LRRC57: variants seen among roughly 807,000 people sequenced by gnomAD.
LRRC57 encodes leucine rich repeat containing 57, also known as leucine-rich repeat-containing protein 57.
Under a neutral mutation model 23.1 loss-of-function variants are expected in LRRC57, and 14 were observed. The ratio of observed to expected loss-of-function variants is 0.61; its 90% CI spans 0.40 to 0.95. The LOEUF is 0.95. Ranked by LOEUF, LRRC57 falls within the 40% of genes least tolerant of loss-of-function variation. LRRC57 has a pLI of 0.00. For synonymous variants in LRRC57, 106 were observed against 115.2 expected (o/e 0.92, Z 0.51); for missense variants, 236 against 284.4 (o/e 0.83, Z 1.22).
downstream of LRRC57, among the ~76,000 whole-genome samples, chr15:42,535,730 C>T (rs2057597538): frequency 6.6e-6 from 1 of 152,112 alleles, no homozygotes; most frequent in African/African-American, 2.4e-5. Context: ...CTTCTTTTCA[C>T]TTGAACTTAA....
chr15:42,547,719 C>T (rs899914694), intron 3 of LRRC57, 190 bp from the exon 4 acceptor site: 2 of 614,178 alleles, frequency 3.3e-6, no homozygotes, highest in African/African-American at 1.8e-5. Flanking sequence ...ATCAAAATGC[C>T]GGAGAGCATT....
chr15:42,534,149 G>T (rs945077702), downstream of LRRC57, among the ~76,000 whole-genome samples: 2 of 151,954 alleles, frequency 1.3e-5, no homozygotes, highest in African/African-American at 4.8e-5. Context: ...TTGTTTTTTT[G>T]AGAAGGAGTC....
In LRRC57 at chr15:42,538,952, G is replaced by A. The variant is rs2057614262; in HGVS notation, c.*5131C>T. ...GTAATCCCAGCACTTTGGGAGGTAA[G>A]GCAGGATTGCTTGAGCCCAGGAGTT... On this transcript the variant is annotated 3_prime_UTR_variant, in exon 6 of 6. Coordinates refer to ENST00000397130, the MANE Select transcript of LRRC57 (RefSeq NM_153260.3). 6.6e-6 allele frequency: 1 copy of A among 151,474 alleles called. No individual in the cohort carries two copies. Among genetic ancestry groups the A allele is most frequent in the Admixed American group, 6.6e-5 (1 of 15,204 alleles). The allele number at this position is 151,474 out of a possible 1,614,324, so 9.4% of individuals were successfully genotyped here.
At chr15:42,544,842 CTATATA>C in intron 5 of LRRC57, among the ~76,000 whole-genome samples, 1 of 98,050 alleles carries the variant, frequency 1.0e-5, no homozygotes, top group East Asian at 2.0e-4. Context: ...CACACACACA[CTATATA>C]TATATATATA....
At chr15:42,534,747 G>C (rs2057591914), downstream of LRRC57, among the ~76,000 whole-genome samples, 1 of 152,180 alleles carries the variant, frequency 6.6e-6, no homozygotes, top group East Asian at 1.9e-4. Flanking sequence ...CTTCATCAGA[G>C]CTCTTGGGTG....
At chr15:42,534,329 C>G (rs1384156378), downstream of LRRC57, among the ~76,000 whole-genome samples, 1 of 152,042 alleles carries the variant, frequency 6.6e-6, no homozygotes, top group South Asian at 2.1e-4. Context: ...CAGGGTTTCA[C>G]CACGTTGGTC....
At chr15:42,529,982 A>C in the LRRC57 span, among the ~76,000 whole-genome samples, 4 of 152,204 alleles carry the variant, frequency 2.6e-5, no homozygotes, top group Non-Finnish European at 2.9e-5. Flanking sequence ...ACAAGAGCCA[A>C]GTCCTCCCTG....
chr15:42,547,231 T>A, intron 4 of LRRC57, 30 bp downstream of exon 4: 1 of 1,603,950 alleles, frequency 6.2e-7, no homozygotes, highest in Non-Finnish European at 8.5e-7. Flanking sequence ...ACACATATGC[T>A]GTAGGAAAAA....
the LRRC57 span, among the ~76,000 whole-genome samples, chr15:42,528,804 T>C: frequency 2.6e-5 from 4 of 152,162 alleles, no homozygotes; most frequent in Non-Finnish European, 5.9e-5. Context: ...CAGGCTGGTC[T>C]TGGACTCCTG....
chr15:42,546,087 A>C (rs1167074857), intron 4 of LRRC57, among the ~76,000 whole-genome samples: 1 of 152,146 alleles, frequency 6.6e-6, no homozygotes, highest in Non-Finnish European at 1.5e-5. Context: ...TCTTTGACTC[A>C]CCCCTTTTGC....
At chr15:42,535,440 T>C (rs1459341164), downstream of LRRC57, among the ~76,000 whole-genome samples, 1 of 151,604 alleles carries the variant, frequency 6.6e-6, no homozygotes, top group Non-Finnish European at 1.5e-5. Context: ...CTTTAGCCTG[T>C]CTTGGCATTT....
the LRRC57 span, among the ~76,000 whole-genome samples, chr15:42,530,647 G>A: frequency 6.6e-6 from 1 of 152,296 alleles, no homozygotes; most frequent in Non-Finnish European, 1.5e-5. Flanking sequence ...TTACTCGGGA[G>A]GCTGAGGCAG....
At chr15:42,528,347 C>G in the LRRC57 span, 1 of 1,614,132 alleles carries the variant, frequency 6.2e-7, no homozygotes. Flanking sequence ...AGTATCTAAA[C>G]AGCCAGGCCC....
chr15:42,547,568 G>T (rs375837708), intron 3 of LRRC57, 39 bp from the exon 4 acceptor site: 7 of 1,566,226 alleles, frequency 4.5e-6, no homozygotes, highest in East Asian at 4.5e-5. Flanking sequence ...GAATGTGATA[G>T]AGCTGAAAAC....
the LRRC57 span, among the ~76,000 whole-genome samples, chr15:42,528,620 G>C: frequency 6.6e-6 from 1 of 152,116 alleles, no homozygotes; most frequent in Admixed American, 6.6e-5. Flanking sequence ...GAGTCTTGCT[G>C]TGTTGCCCAG....
rs994345599 is a variant in LRRC57 at position 42,546,852 on chromosome 15, CAA to C, written c.492+407_492+408del. Among the ~76,000 whole-genome samples, 63 of 152,276 alleles carry C rather than the reference CAA, an allele frequency of 4.1e-4. 1 individual carries two copies. The highest frequency in any genetic ancestry group is 1.2e-3 in the African/African-American group (49 of 41,568). ...TCAAAACCCCACACAAAACGAAAAACAAAACTGAATTACCTCTGACTCCCGAC... is the reference window on the plus strand; with the variant it reads ...TCAAAACCCCACACAAAACGAAAAACAACTGAATTACCTCTGACTCCCGAC... On this transcript the variant is annotated intron_variant, in intron 4 of 5. Coordinates refer to ENST00000397130, the MANE Select transcript of LRRC57 (RefSeq NM_153260.3).
At chr15:42,529,476 A>G in the LRRC57 span, among the ~76,000 whole-genome samples, 1 of 152,242 alleles carries the variant, frequency 6.6e-6, no homozygotes, top group East Asian at 1.9e-4. Context: ...CTTTTCTTAC[A>G]TGGCTTTAAG....
chr15:42,545,300 T>A (rs1060293), intron 4 of LRRC57, 38 bp from the exon 5 acceptor site: 146,273 of 1,453,720 alleles, frequency 0.1, 8,633 homozygotes, highest in African/African-American at 0.23. Context: ...GGAAAAAGCA[T>A]AAGCACTATA....
Position 42,547,494 on chromosome 15 carries a change from G to GT in LRRC57, c.258dup (p.Leu87ThrfsTer12). 1.2e-6 allele frequency: 2 copies of GT among 1,613,468 alleles called. No homozygotes were observed. Among genetic ancestry groups the GT allele is most frequent in the Non-Finnish European group, 8.5e-7 (1 of 1,179,536 alleles). On this transcript the variant is annotated frameshift_variant, in exon 4 of 6. Coordinates refer to ENST00000397130, the MANE Select transcript of LRRC57 (RefSeq NM_153260.3). LOFTEE classifies it high-confidence loss of function. ...TTGTTGTTTAGGCTTAGCGTCTCTA[G>GT]TTTTTTCAGATTGCATATCTCATCA... is the stretch of plus-strand genomic sequence containing the variant.
Sources: allele counts gnomAD v4.1 joint callset (sites outside exome capture counted in the v4.1 genomes callset), GRCh38; gene constraint gnomAD v4.1.1; transcripts MANE v1.5; gene names NCBI Gene and HGNC (gene_info 2026-07-23, HGNC 2026-07-21).